MAP3K5: variants seen among roughly 807,000 people sequenced by gnomAD.
MAP3K5 encodes the protein ASK-1.
In MAP3K5, 56 loss-of-function variants were observed where a neutral mutation model predicts 158.7. That is an observed-to-expected ratio of 0.35 (90% CI 0.28 to 0.44). The LOEUF is 0.44. Among genes scored for constraint, MAP3K5 ranks in the 20% least tolerant of loss-of-function variants. The pLI is 1.00. For synonymous variants in MAP3K5, 579 were observed against 601.7 expected (o/e 0.96, Z 0.55); for missense variants, 1,294 against 1,674.8 (o/e 0.77, Z 3.97).
rs376879407 is a variant in MAP3K5, at chr6:136,694,610, C to G, written c.1083-300G>C. Reference sequence around the variant, plus strand: ...TTTCCCTGCAGCCTATATGCAGGTTCAAGTTGGTGAAACGAGATTAGAGTT... The same window carrying G: ...TTTCCCTGCAGCCTATATGCAGGTTGAAGTTGGTGAAACGAGATTAGAGTT... On this transcript the variant is annotated intron_variant, in intron 6 of 29. Transcript: ENST00000359015. 5.3e-5 allele frequency among the ~76,000 whole-genome samples: 8 copies of G among 152,282 alleles called. No individual in the cohort carries two copies. The South Asian group carries it at 1.7e-3, about 32-fold the overall frequency.
intron 1 of MAP3K5, among the ~76,000 whole-genome samples, chr6:136,756,937 T>C (rs1332675289): frequency 1.3e-5 from 2 of 152,220 alleles, no homozygotes; most frequent in African/African-American, 2.4e-5. Flanking sequence ...GTGCATAGGC[T>C]TTCTCTTCAG....
chr6:136,584,201 A>G lies in MAP3K5; in HGVS notation c.3226-461T>C, dbSNP rs556483565. ...TAATTGGGAACTAAAAAGAGATTTG[A>G]GCAATAAGCCATAGGATCTCAACCT... is the stretch of plus-strand genomic sequence containing the variant. On this transcript the variant is annotated intron_variant, in intron 23 of 29. Coordinates refer to ENST00000359015, the MANE Select transcript of MAP3K5 (RefSeq NM_005923.4). 2.8e-3 allele frequency among the ~76,000 whole-genome samples: 419 copies of G among 152,348 alleles called. 2 individuals are homozygous for G. Among genetic ancestry groups the G allele is most frequent in the African/African-American group, 9.5e-3 (394 of 41,580 alleles).
At chr6:136,584,056 AC>A (rs969206720) in intron 23 of MAP3K5, among the ~76,000 whole-genome samples, 2 of 152,132 alleles carry the variant, frequency 1.3e-5, no homozygotes, top group African/African-American at 4.8e-5. Context: ...TCCTACCAAC[AC>A]CAAGAAATAA....
intron 21 of MAP3K5, among the ~76,000 whole-genome samples, chr6:136,594,765 G>C (rs1775547487): frequency 6.6e-6 from 1 of 152,086 alleles, no homozygotes; most frequent in Admixed American, 6.6e-5. Flanking sequence ...GACTAGAAGA[G>C]TACAAGATGA....
At chr6:136,656,065 T>C (rs1450460647) in intron 10 of MAP3K5, 1 of 454,714 alleles carries the variant, frequency 2.2e-6, no homozygotes, top group Non-Finnish European at 4.0e-6. Context: ...ACTCCACCAC[T>C]TATCAAAAGG....
intron 2 of MAP3K5, among the ~76,000 whole-genome samples, chr6:136,707,375 G>A (rs1781122142): frequency 6.6e-6 from 1 of 152,224 alleles, no homozygotes; most frequent in East Asian, 1.9e-4. Flanking sequence ...CAGAGAAGGT[G>A]GAACTCAAGC....
At chr6:136,585,700 T>A (rs1001635264) in intron 23 of MAP3K5, among the ~76,000 whole-genome samples, 1 of 151,922 alleles carries the variant, frequency 6.6e-6, no homozygotes, top group Non-Finnish European at 1.5e-5. Flanking sequence ...TTTCGCCATG[T>A]TGGCCAGGCT....
At chr6:136,711,963 T>C (rs1781327997) in intron 2 of MAP3K5, among the ~76,000 whole-genome samples, 1 of 152,084 alleles carries the variant, frequency 6.6e-6, no homozygotes, top group South Asian at 2.1e-4. Flanking sequence ...CACCTATCAA[T>C]TAAAACAACC....
chr6:136,749,855 T>C (rs544239925), intron 1 of MAP3K5, among the ~76,000 whole-genome samples: 1 of 152,146 alleles, frequency 6.6e-6, no homozygotes, highest in Non-Finnish European at 1.5e-5. Context: ...GGGCAGGCTG[T>C]GCTTTGCAAC....
chr6:136,575,660 C>A (rs184199942), intron 25 of MAP3K5, among the ~76,000 whole-genome samples: 220 of 152,102 alleles, frequency 1.4e-3, no homozygotes, highest in African/African-American at 5.1e-3. Flanking sequence ...GGTTTTTGTA[C>A]AATGTCTTTT....
intron 8 of MAP3K5, among the ~76,000 whole-genome samples, chr6:136,667,764 T>A (rs1779291559): frequency 6.6e-6 from 1 of 151,588 alleles, no homozygotes; most frequent in Admixed American, 6.6e-5. Context: ...GGTGGGAGGA[T>A]CACCTAAGTC....
At chr6:136,567,896 G>C (rs767440552) in intron 25 of MAP3K5, 22 bp from the exon 26 acceptor site, 1 of 1,608,626 alleles carries the variant, frequency 6.2e-7, no homozygotes, top group Non-Finnish European at 8.5e-7. Context: ...AATATCAGTG[G>C]TAGTGTTTAT....
chr6:136,762,102 T>C (rs1411465959), intron 1 of MAP3K5, among the ~76,000 whole-genome samples: 2 of 152,230 alleles, frequency 1.3e-5, no homozygotes, highest in Non-Finnish European at 2.9e-5. Context: ...CAGAAAGTTA[T>C]GCAAATATTT....
At chr6:136,667,790 G>A (rs1484363875) in intron 8 of MAP3K5, among the ~76,000 whole-genome samples, 1 of 151,810 alleles carries the variant, frequency 6.6e-6, no homozygotes, top group African/African-American at 2.4e-5. Context: ...GGTCGAGGCT[G>A]CAGTGAGCTG....
At chr6:136,571,425 T>C (rs1391813555) in intron 25 of MAP3K5, among the ~76,000 whole-genome samples, 2 of 151,988 alleles carry the variant, frequency 1.3e-5, no homozygotes, top group Non-Finnish European at 2.9e-5. Context: ...TGGGAGAGAA[T>C]AAGCCACTGG....
intron 1 of MAP3K5, among the ~76,000 whole-genome samples, chr6:136,790,294 A>G (rs181509912): frequency 6.6e-6 from 1 of 152,116 alleles, no homozygotes; most frequent in African/African-American, 2.4e-5. Context: ...CCTAGGAAAA[A>G]AACGCCCAAT....
intron 23 of MAP3K5, among the ~76,000 whole-genome samples, chr6:136,590,349 G>T (rs1775327743): frequency 6.6e-6 from 1 of 152,076 alleles, no homozygotes. Flanking sequence ...TTATACCAAG[G>T]AATGATAGGT....
chr6:136,792,932 C>T (rs1287222232), upstream of MAP3K5, among the ~76,000 whole-genome samples: 5 of 152,168 alleles, frequency 3.3e-5, no homozygotes, highest in African/African-American at 1.2e-4. This position sits in a 1 kb window ranked among gnomAD's most constrained non-coding sequence, Gnocchi z 5.7. Flanking sequence ...AGCTCGAGCC[C>T]GGACTGAACT....
upstream of MAP3K5, among the ~76,000 whole-genome samples, chr6:136,792,678 C>G (rs74634533): frequency 0.013 from 2,049 of 152,288 alleles, 43 homozygotes; most frequent in African/African-American, 0.045. The surrounding 1 kb of genome is among the most constrained non-coding windows in gnomAD (Gnocchi z 5.7). Flanking sequence ...GGCGGCGTCC[C>G]GGAACAGCAG....
Sources: allele counts gnomAD v4.1 joint callset (sites outside exome capture counted in the v4.1 genomes callset), GRCh38; gene constraint gnomAD v4.1.1; non-coding constraint Gnocchi (gnomAD v3.1); transcripts MANE v1.5; gene names NCBI Gene and HGNC (gene_info 2026-07-23, HGNC 2026-07-21).